CAST: variants seen among roughly 807,000 people sequenced by gnomAD.
CAST encodes calpastatin.
Under a neutral mutation model 119.6 loss-of-function variants are expected in CAST, and 76 were observed. The observed-to-expected ratio is 0.64, with a 90% CI of 0.53 to 0.77. The LOEUF (loss-of-function observed/expected upper bound fraction) is 0.77, where lower values mean the gene tolerates loss of function less well. Ranked by LOEUF, CAST falls within the 30% of genes least tolerant of loss-of-function variation. CAST has a pLI of 0.00. For missense variants in CAST, 953 were observed against 946.5 expected, an observed-to-expected ratio of 1.01 and a Z score of -0.09; for synonymous variants, 319 against 331.6, an observed-to-expected ratio of 0.96 and a Z score of 0.41.
chr5:96,205,763 T>C, the CAST span, among the ~76,000 whole-genome samples: 1 of 152,120 alleles, frequency 6.6e-6, no homozygotes, highest in East Asian at 1.9e-4. Context: ...TTCTGAATAG[T>C]ACTTTGACAA....
chr5:96,028,053 T>G, the CAST span, among the ~76,000 whole-genome samples: 47 of 152,264 alleles, frequency 3.1e-4, no homozygotes, highest in African/African-American at 1.1e-3. Context: ...TAGGATTTTC[T>G]ATTACATTAA....
At chr5:96,763,205 C>A (rs145468356) in intron 25 of CAST, 2 of 780,628 alleles carry the variant, frequency 2.6e-6, no homozygotes, top group African/African-American at 3.4e-5. Flanking sequence ...GATTTTCATC[C>A]TGTTGCGTCA....
intron 1 of CAST, among the ~76,000 whole-genome samples, chr5:96,651,086 A>G (rs2150204999): frequency 6.6e-6 from 1 of 152,330 alleles, no homozygotes; most frequent in Non-Finnish European, 1.5e-5. Context: ...ATAAAACAAC[A>G]GACCCAAACA....
the CAST span, among the ~76,000 whole-genome samples, chr5:96,287,893 A>AT: frequency 2.5e-4 from 38 of 152,278 alleles, no homozygotes; most frequent in African/African-American, 8.2e-4. Flanking sequence ...CTACAAAGGG[A>AT]GCTTCAGCAT....
the CAST span, among the ~76,000 whole-genome samples, chr5:96,030,481 T>C: frequency 6.6e-6 from 1 of 152,188 alleles, no homozygotes; most frequent in Non-Finnish European, 1.5e-5. Context: ...CTATGCTTGG[T>C]CAACCTCATT....
intron 1 of CAST, among the ~76,000 whole-genome samples, chr5:96,619,197 T>C (rs1380437056): frequency 6.6e-6 from 1 of 152,154 alleles, no homozygotes; most frequent in Non-Finnish European, 1.5e-5. Flanking sequence ...CAGCACTCTG[T>C]ATCTACCTAA....
chr5:96,395,308 G>C, the CAST span, among the ~76,000 whole-genome samples: 2 of 152,190 alleles, frequency 1.3e-5, no homozygotes, highest in Admixed American at 1.3e-4. Flanking sequence ...AAAGCTGACT[G>C]TACCTTCTAT....
At chr5:96,206,316 C>T in the CAST span, among the ~76,000 whole-genome samples, 2 of 151,922 alleles carry the variant, frequency 1.3e-5, no homozygotes, top group African/African-American at 2.4e-5. Flanking sequence ...AATTAGGTCC[C>T]GCTTGTCAAT....
chr5:96,416,013 G>C, the CAST span: 1 of 1,490,492 alleles, frequency 6.7e-7, no homozygotes, highest in African/African-American at 1.4e-5. Flanking sequence ...CCAAGCTATA[G>C]GGACAATCCT....
chr5:96,082,337 G>T, the CAST span, among the ~76,000 whole-genome samples: 2 of 152,092 alleles, frequency 1.3e-5, no homozygotes, highest in Admixed American at 6.6e-5. Context: ...ACCTATCCTT[G>T]GTGCTTTCAC....
chr5:96,728,396 G>C (rs952067240), intron 6 of CAST: 1 of 151,870 alleles, frequency 6.6e-6, no homozygotes, highest in African/African-American at 2.4e-5. Flanking sequence ...CTACTGAATC[G>C]CAAGAAAATT....
chr5:96,439,716 G>C, the CAST span, among the ~76,000 whole-genome samples: 4 of 152,148 alleles, frequency 2.6e-5, no homozygotes. Flanking sequence ...CTTTCTAGCA[G>C]GTGCCACTGA....
the CAST span, among the ~76,000 whole-genome samples, chr5:96,425,008 A>AAAGAG: frequency 8.5e-6 from 1 of 117,478 alleles, no homozygotes; most frequent in Non-Finnish European, 1.7e-5. Flanking sequence ...AGAAAGAAAG[A>AAAGAG]AAAGAAAGAA....
chr5:96,338,150 G>A, the CAST span, among the ~76,000 whole-genome samples: 30 of 152,224 alleles, frequency 2.0e-4, no homozygotes, highest in African/African-American at 6.3e-4. Context: ...TCATTAAGAA[G>A]TTCTGTCATC....
At chr5:96,513,185 G>A in the CAST span, among the ~76,000 whole-genome samples, 1 of 152,196 alleles carries the variant, frequency 6.6e-6, no homozygotes, top group Non-Finnish European at 1.5e-5. Flanking sequence ...AGTGGGGGTT[G>A]CATTAGTGGA....
intron 1 of CAST, among the ~76,000 whole-genome samples, chr5:96,532,556 A>C (rs550183240): frequency 6.6e-6 from 1 of 152,302 alleles, no homozygotes; most frequent in East Asian, 1.9e-4. Flanking sequence ...CCATACAAAA[A>C]ATTTAAAAAT....
the CAST span, chr5:96,425,952 G>C: frequency 2.2e-5 from 31 of 1,430,036 alleles, no homozygotes; most frequent in African/African-American, 4.2e-4. Context: ...TTTATAGCAA[G>C]AAAATCAAAA....
the CAST span, chr5:96,397,189 G>A: frequency 1.4e-6 from 1 of 723,804 alleles, no homozygotes; most frequent in Non-Finnish European, 2.4e-6. Context: ...AAGTGGTCAG[G>A]GCTTGAAACA....
the CAST span, among the ~76,000 whole-genome samples, chr5:96,032,953 G>T: frequency 6.6e-6 from 1 of 152,060 alleles, no homozygotes; most frequent in East Asian, 1.9e-4. Flanking sequence ...AAAACTGTTA[G>T]CACTAATAAG....
Sources: allele counts gnomAD v4.1 joint callset (sites outside exome capture counted in the v4.1 genomes callset), GRCh38; gene constraint gnomAD v4.1.1; transcripts MANE v1.5; gene names NCBI Gene and HGNC (gene_info 2026-07-23, HGNC 2026-07-21).